Variants in CDH4 observed in about 807,000 individuals in gnomAD.
CDH4 encodes the protein cadherin 4, also known as cadherin-4.
In CDH4, 33 loss-of-function variants were observed where a neutral mutation model predicts 86.0. The observed-to-expected ratio is 0.38, with a 90% CI of 0.29 to 0.51. CDH4 has a LOEUF of 0.51. Ranked by LOEUF, CDH4 falls within the 20% of genes least tolerant of loss-of-function variation. The pLI is 0.86. For synonymous variants in CDH4, 555 were observed against 549.4 expected, an observed-to-expected ratio of 1.01 and a Z score of -0.14; for missense variants, 1,114 against 1,307.4, an observed-to-expected ratio of 0.85 and a Z score of 2.28.
chr20:61,918,896 G>A (rs998757453), intron 9 of CDH4, among the ~76,000 whole-genome samples: 2 of 152,130 alleles, frequency 1.3e-5, no homozygotes, highest in Non-Finnish European at 2.9e-5. Context: ...TTTGAGACGA[G>A]GTCTTACTCT....
At chr20:61,828,709 T>C (rs1981440030) in intron 4 of CDH4, among the ~76,000 whole-genome samples, 1 of 152,252 alleles carries the variant, frequency 6.6e-6, no homozygotes, top group Non-Finnish European at 1.5e-5. Flanking sequence ...ACTTCACTTC[T>C]GTGTGGCCTT....
chr20:61,605,419 T>C (rs1182970577), intron 2 of CDH4, among the ~76,000 whole-genome samples: 1 of 151,608 alleles, frequency 6.6e-6, no homozygotes, highest in Non-Finnish European at 1.5e-5. Flanking sequence ...CTTTGTCTGT[T>C]TCTCTATGTA....
intron 9 of CDH4, among the ~76,000 whole-genome samples, chr20:61,919,825 TTGCA>T (rs2054946866): frequency 8.5e-6 from 1 of 117,556 alleles, no homozygotes; most frequent in Non-Finnish European, 1.8e-5. Flanking sequence ...TGTGTCGTGA[TTGCA>T]TGGAAGCGTG....
At chr20:61,859,607 C>T (rs1391180233) in intron 6 of CDH4, among the ~76,000 whole-genome samples, 4 of 152,078 alleles carry the variant, frequency 2.6e-5, no homozygotes, top group African/African-American at 9.7e-5. Flanking sequence ...ATTTTTTGCT[C>T]ATCTCCATAT....
intron 2 of CDH4, among the ~76,000 whole-genome samples, chr20:61,574,872 C>T (rs746708963): frequency 6.6e-6 from 1 of 152,204 alleles, no homozygotes; most frequent in Non-Finnish European, 1.5e-5. Context: ...TGCCCACAAG[C>T]AGTGTTCCAG....
At chr20:61,834,566 C>T (rs1981779860) in intron 4 of CDH4, among the ~76,000 whole-genome samples, 1 of 152,302 alleles carries the variant, frequency 6.6e-6, no homozygotes, top group African/African-American at 2.4e-5. Flanking sequence ...GGTGGGGACG[C>T]GTGCATTAAA....
In CDH4 at chr20:61,622,778, C is replaced by G. The variant is rs187259051; in HGVS notation, c.170-120785C>G. 2.8e-3 allele frequency among the ~76,000 whole-genome samples: 433 copies of G among 152,286 alleles called. 4 individuals carry two copies. Among genetic ancestry groups the G allele is most frequent in the African/African-American group, 9.7e-3 (405 of 41,568 alleles). On this transcript the variant is annotated intron_variant, in intron 2 of 15. Coordinates refer to ENST00000614565, the MANE Select transcript of CDH4 (RefSeq NM_001794.5). ...TCTGCCCAGTAGATGCCAGTAGCAC[C>G]CACCCTGCCCAGTTGTGACAGCCAA...
At chr20:61,349,814 C>G (rs1489462481) in intron 2 of CDH4, among the ~76,000 whole-genome samples, 1 of 152,168 alleles carries the variant, frequency 6.6e-6, no homozygotes, top group Non-Finnish European at 1.5e-5. Context: ...AGCATGTGCT[C>G]CTAAGTTTTC....
chr20:61,666,959 C>T (rs1226163462), intron 2 of CDH4, among the ~76,000 whole-genome samples: 3 of 152,228 alleles, frequency 2.0e-5, no homozygotes, highest in Non-Finnish European at 2.9e-5. Context: ...ATCCCTCACC[C>T]GCACACCCGG....
chr20:61,550,101 T>G (rs899141957), intron 2 of CDH4, among the ~76,000 whole-genome samples: 1 of 149,656 alleles, frequency 6.7e-6, no homozygotes, highest in Non-Finnish European at 1.5e-5. Flanking sequence ...CTGCCCCAGC[T>G]TCTCTGGCTT....
chr20:61,868,186 C>T (rs1255083942), intron 6 of CDH4, among the ~76,000 whole-genome samples: 2 of 152,220 alleles, frequency 1.3e-5, no homozygotes, highest in Non-Finnish European at 2.9e-5. Flanking sequence ...CAGCTCATCC[C>T]ACGGTGGGGG....
chr20:61,414,611 C>T (rs921927064), intron 2 of CDH4, among the ~76,000 whole-genome samples: 4 of 152,202 alleles, frequency 2.6e-5, no homozygotes, highest in Non-Finnish European at 5.9e-5. Flanking sequence ...GCAAGCACAG[C>T]AGGAAGCGGC....
chr20:61,301,281 G>A (rs1001186150), intron 2 of CDH4, among the ~76,000 whole-genome samples: 1 of 152,254 alleles, frequency 6.6e-6, no homozygotes, highest in Non-Finnish European at 1.5e-5. Context: ...GGAACCAAGG[G>A]GATACAGTGC....
Position 61,777,448 on chromosome 20 carries a change from G to C in CDH4, c.576+4266G>C, listed in dbSNP as rs369437731. On this transcript the variant is annotated intron_variant, in intron 4 of 15. Coordinates refer to ENST00000614565, the MANE Select transcript of CDH4 (RefSeq NM_001794.5). ...GCATCCCCTTCAGCTTCCATCCAAA[G>C]GAAGGCGGAGTGGGCATCCAAACCG... Among the ~76,000 whole-genome samples, 154 of 152,372 alleles carry C rather than the reference G, an allele frequency of 1.0e-3. 6 individuals carry two copies. The South Asian group carries it at 0.029, about 28-fold the overall frequency.
At chr20:61,896,758 G>A (rs77143165) in intron 8 of CDH4, among the ~76,000 whole-genome samples, 3,133 of 152,302 alleles carry the variant, frequency 0.021, 112 homozygotes, top group African/African-American at 0.071. Flanking sequence ...CCAGGCTGCC[G>A]GGGAGTCTGG....
chr20:61,355,072 T>C (rs2084740507), intron 2 of CDH4, among the ~76,000 whole-genome samples: 1 of 152,124 alleles, frequency 6.6e-6, no homozygotes, highest in African/African-American at 2.4e-5. Context: ...ACAAAACCAC[T>C]GTGGGAATAA....
At chr20:61,688,539 C>A (rs901805622) in intron 2 of CDH4, among the ~76,000 whole-genome samples, 4 of 152,240 alleles carry the variant, frequency 2.6e-5, no homozygotes, top group Admixed American at 2.6e-4. Context: ...GGGCAGGACA[C>A]CTGCTTCTCG....
Position 61,495,491 on chromosome 20 carries a change from G to A in CDH4, c.169+240554G>A, listed in dbSNP as rs542104396. Among the ~76,000 whole-genome samples the A allele has an allele frequency of 2.6e-5, 4 of 152,330 alleles. No individual in the cohort carries two copies. The East Asian group carries it at 7.8e-4, about 30-fold the overall frequency. On this transcript the variant is annotated intron_variant, in intron 2 of 15. Transcript: ENST00000614565. ...GGGCAGCCCGGGACTGCCCAGCAGG[G>A]GAGGAGGCAGGAAACAGATGAGGCT...
chr20:61,506,190 T>C (rs570701158), intron 2 of CDH4, among the ~76,000 whole-genome samples: 2 of 152,370 alleles, frequency 1.3e-5, no homozygotes, highest in Admixed American at 1.3e-4. Context: ...TTAGGAAACG[T>C]ATGCATTCGG....
Sources: allele counts gnomAD v4.1 joint callset (sites outside exome capture counted in the v4.1 genomes callset), GRCh38; gene constraint gnomAD v4.1.1; transcripts MANE v1.5; gene names NCBI Gene and HGNC (gene_info 2026-07-23, HGNC 2026-07-21).